The following C10orf67 variants were observed in gnomAD, a reference collection of about 807,000 sequenced individuals.
The protein encoded by C10orf67 is chromosome 10 open reading frame 67, also known as uncharacterized protein C10orf67, mitochondrial.
C10orf67 carries 60 observed loss-of-function variants against 35.6 expected under a neutral mutation model. The ratio of observed to expected loss-of-function variants is 1.68; its 90% CI spans 1.37 to 2.09. C10orf67 has a LOEUF of 2.09. Ranked by LOEUF, C10orf67 falls within the 30% of genes most tolerant of loss-of-function variation. The pLI is 0.00. For synonymous variants in C10orf67, 167 were observed against 115.8 expected, an observed-to-expected ratio of 1.44 and a Z score of -2.84; for missense variants, 474 against 330.2, an observed-to-expected ratio of 1.44 and a Z score of -3.38.
At chr10:23,238,702 T>C (rs149056723) in intron 13 of C10orf67, among the ~76,000 whole-genome samples, 1,572 of 152,326 alleles carry the variant, frequency 0.01, 34 homozygotes, top group Non-Finnish European at 0.01. Flanking sequence ...TTTGCCGAAC[T>C]GATTAAATTT....
intron 15 of C10orf67, among the ~76,000 whole-genome samples, chr10:23,208,320 T>G (rs1841212309): frequency 1.3e-5 from 2 of 152,234 alleles, no homozygotes; most frequent in African/African-American, 4.8e-5. Context: ...CAGTAATATT[T>G]CAGTCACAGT....
Position 23,333,154 on chromosome 10 carries a change from C to T in C10orf67, c.235G>A (p.Gly79Ser), listed in dbSNP as rs1299240559. 1.2e-6 allele frequency: 2 copies of T among 1,606,290 alleles called. No homozygotes were observed. Among genetic ancestry groups the T allele is most frequent in the Non-Finnish European group, 8.5e-7 (1 of 1,174,636 alleles). ...GTGGCATGGTCTGTGCTGAAAAAGC[C>T]AATCTTTAAATCATCTGAAATGTTA... is the stretch of plus-strand genomic sequence containing the variant. ...RLNISDDLKI[G>S]FFSTDHATQT... Residue 79 changes from glycine (G) to serine (S), a missense_variant, in exon 2 of 16, where the codon GGC (glycine) becomes AGC (serine). Physicochemically the swap from Gly to Ser is moderately conservative, Grantham distance 56. Coordinates refer to ENST00000636213, the MANE Select transcript of C10orf67 (RefSeq NM_001371909.1).
chr10:23,324,125 T>C (rs549712740), intron 2 of C10orf67, among the ~76,000 whole-genome samples: 4 of 150,750 alleles, frequency 2.7e-5, no homozygotes, highest in South Asian at 4.2e-4. Flanking sequence ...GCAGCAGTGA[T>C]AGAGGGGCAA....
chr10:23,306,575 AGC>A (rs2132294931), intron 4 of C10orf67, among the ~76,000 whole-genome samples: 1 of 150,570 alleles, frequency 6.6e-6, no homozygotes, highest in South Asian at 2.1e-4. Context: ...CAAAGGCTGG[AGC>A]ACAGGGAAAA....
At chr10:23,247,916 G>C (rs1412218688) in intron 12 of C10orf67, among the ~76,000 whole-genome samples, 1 of 152,182 alleles carries the variant, frequency 6.6e-6, no homozygotes, top group Non-Finnish European at 1.5e-5. Context: ...CTTTGTTGAA[G>C]TAAGGAGCAG....
intron 8 of C10orf67, among the ~76,000 whole-genome samples, chr10:23,281,322 T>A (rs1403167893): frequency 6.6e-6 from 1 of 152,232 alleles, no homozygotes; most frequent in Non-Finnish European, 1.5e-5. Flanking sequence ...TGAAGTGGTG[T>A]TGATTTCCTA....
intron 10 of C10orf67, among the ~76,000 whole-genome samples, chr10:23,264,023 T>C (rs1394123395): frequency 1.3e-5 from 2 of 152,184 alleles, no homozygotes; most frequent in Non-Finnish European, 1.5e-5. Context: ...ATAAGTATGA[T>C]TAATTAGATA....
chr10:23,303,278 T>G, intron 5 of C10orf67, 26 bp downstream of exon 5: 1 of 501,180 alleles, frequency 2.0e-6, no homozygotes, highest in East Asian at 3.3e-5. Context: ...ATATTAAAAT[T>G]AATTATTCCT....
intron 12 of C10orf67, among the ~76,000 whole-genome samples, chr10:23,243,458 C>T (rs545480938): frequency 2.0e-5 from 3 of 151,210 alleles, no homozygotes; most frequent in East Asian, 1.9e-4. Flanking sequence ...CTGAGGTGGG[C>T]GGATCATCTG....
At chr10:23,262,319 C>A (rs1159169930) in intron 10 of C10orf67, among the ~76,000 whole-genome samples, 2 of 139,078 alleles carry the variant, frequency 1.4e-5, no homozygotes, top group East Asian at 4.2e-4. Context: ...ACAGCTGAAG[C>A]CCCAGCAAAT....
intron 13 of C10orf67, among the ~76,000 whole-genome samples, chr10:23,228,954 G>A (rs1368476500): frequency 3.9e-5 from 6 of 152,146 alleles, no homozygotes; most frequent in Non-Finnish European, 8.8e-5. Flanking sequence ...GAGACGATGA[G>A]GTGATATAGG....
At position 23,228,734 on chromosome 10, in the gene C10orf67, A is replaced by G. The variant is rs540088924; in HGVS notation, c.1435-4916T>C. 3.3e-5 allele frequency among the ~76,000 whole-genome samples: 5 copies of G among 152,298 alleles called. No homozygotes were observed. In the South Asian group the frequency reaches 8.3e-4, roughly 25 times the overall value. ...CAGAATCTACAAAGAACTCAAACAA[A>G]TTTACAAGAAAAAAACAACCCCATC... On this transcript the variant is annotated intron_variant, in intron 13 of 15. Transcript: ENST00000636213.
intron 13 of C10orf67, among the ~76,000 whole-genome samples, chr10:23,227,066 G>A (rs1224279359): frequency 6.6e-6 from 1 of 152,172 alleles, no homozygotes; most frequent in Non-Finnish European, 1.5e-5. Flanking sequence ...TAGAAAAAGA[G>A]GGAATCCTCC....
intron 4 of C10orf67, among the ~76,000 whole-genome samples, chr10:23,310,363 AG>A (rs1183695414): frequency 2.0e-5 from 3 of 152,336 alleles, no homozygotes; most frequent in South Asian, 2.1e-4. Flanking sequence ...GTGGAGGAGA[AG>A]GGTTGAGCCT....
chr10:23,239,648 ATAAACCT>A, intron 13 of C10orf67, 74 bp downstream of exon 13: 1 of 580,742 alleles, frequency 1.7e-6, no homozygotes, highest in Non-Finnish European at 3.4e-6. Context: ...CAGGGGCTTG[ATAAACCT>A]TAAACGAGAA....
intron 4 of C10orf67, among the ~76,000 whole-genome samples, 171 bp from the exon 5 acceptor site, chr10:23,303,630 A>G (rs886838834): frequency 2.2e-4 from 33 of 152,236 alleles, no homozygotes; most frequent in African/African-American, 8.0e-4. Flanking sequence ...CAATTTTAGT[A>G]AGCAACTTTA....
chr10:23,278,784 T>C (rs1843271346), intron 8 of C10orf67, among the ~76,000 whole-genome samples: 1 of 152,218 alleles, frequency 6.6e-6, no homozygotes, highest in Non-Finnish European at 1.5e-5. Context: ...AACAGAACTC[T>C]GAGGCATCCT....
intron 13 of C10orf67, among the ~76,000 whole-genome samples, chr10:23,233,332 G>T (rs1841962856): frequency 6.6e-6 from 1 of 152,122 alleles, no homozygotes; most frequent in African/African-American, 2.4e-5. Flanking sequence ...AAATGGGGAA[G>T]GTGGGCTAAT....
At chr10:23,328,442 A>C (rs965092643) in intron 2 of C10orf67, among the ~76,000 whole-genome samples, 2 of 152,186 alleles carry the variant, frequency 1.3e-5, no homozygotes, top group Non-Finnish European at 2.9e-5. Flanking sequence ...CTTCCATAGA[A>C]GCTGGAAGGG....
Sources: allele counts gnomAD v4.1 joint callset (sites outside exome capture counted in the v4.1 genomes callset), GRCh38; gene constraint gnomAD v4.1.1; transcripts MANE v1.5; gene names NCBI Gene and HGNC (gene_info 2026-07-23, HGNC 2026-07-21).